The following SLC9A7 variants were observed in gnomAD, a reference collection of about 807,000 sequenced individuals.
The protein encoded by SLC9A7 is solute carrier family 9 member A7.
In SLC9A7, 19 loss-of-function variants were observed where a neutral mutation model predicts 52.6. The observed-to-expected ratio is 0.36, with a 90% CI of 0.25 to 0.53. The LOEUF (loss-of-function observed/expected upper bound fraction) is 0.53, where lower values mean the gene tolerates loss of function less well. Among genes scored for constraint, SLC9A7 ranks in the 20% least tolerant of loss-of-function variants. SLC9A7 has a pLI of 0.91. For synonymous variants in SLC9A7, 226 were observed against 252.1 expected (o/e 0.90, Z 0.98); for missense variants, 455 against 597.9 (o/e 0.76, Z 2.49).
rs73495123 is a variant in SLC9A7, at chrX:46,744,072, T to G, written c.325+14633A>C. On this transcript the variant is annotated intron_variant, in intron 1 of 16. Coordinates refer to ENST00000616978, the MANE Select transcript of SLC9A7 (RefSeq NM_001257291.2). ...GAGACTACAGCGTCATCTATTTTAT[T>G]GTATTGCCAGAAGTGTTCTCCATTC... is the stretch of plus-strand genomic sequence containing the variant. Among the ~76,000 whole-genome samples, 792 of 112,915 alleles carry G rather than the reference T, an allele frequency of 7.0e-3. 9 individuals are homozygous for G. The highest frequency in any genetic ancestry group is 0.023 in the African/African-American group (726 of 31,164).
chrX:46,638,018 C>T (rs1943348779), intron 12 of SLC9A7, among the ~76,000 whole-genome samples: 1 of 111,951 alleles, frequency 8.9e-6, no homozygotes, highest in African/African-American at 3.3e-5. Flanking sequence ...TTCTGGGCAG[C>T]TACTTAACAG....
chrX:46,738,103 GAAAGAGAAA>G (rs1217486878), intron 1 of SLC9A7, among the ~76,000 whole-genome samples: 17 of 46,612 alleles, frequency 3.6e-4, no homozygotes, highest in South Asian at 7.5e-4. Flanking sequence ...AAGAAAGAAA[GAAAGAGAAA>G]AGAAAAGAAA....
At chrX:46,620,841 C>T (rs777628075) in intron 15 of SLC9A7, 136 bp downstream of exon 15, 65 of 454,940 alleles carry the variant, frequency 1.4e-4, no homozygotes, top group Admixed American at 4.5e-4. Flanking sequence ...TCAATGCACA[C>T]GTTCCATAAG....
rs780413904 is a variant in SLC9A7, at chrX:46,606,716, G to A, written c.*236C>T. 31 of 1,063,618 alleles carry A rather than the reference G, an allele frequency of 2.9e-5. No homozygotes were observed. Among genetic ancestry groups the A allele is most frequent in the East Asian group, 1.0e-4 (3 of 28,752 alleles). 87.7% of individuals were successfully genotyped at this position (1,063,618 alleles called of 1,213,427 possible). A position where few individuals can be genotyped will look rare whatever the true frequency, so the allele number is the denominator to read the frequency against. On this transcript the variant is annotated 3_prime_UTR_variant, in exon 17 of 17. Transcript: ENST00000616978. Reference sequence around the variant, plus strand: ...TTTGTTTGTTTAACTCTGAAACAGCGCACTACTATGTGAAAAAAGTGGGAA... The same window carrying A: ...TTTGTTTGTTTAACTCTGAAACAGCACACTACTATGTGAAAAAAGTGGGAA...
At chrX:46,722,268 A>T (rs1365978226) in intron 1 of SLC9A7, among the ~76,000 whole-genome samples, 1 of 112,403 alleles carries the variant, frequency 8.9e-6, no homozygotes, top group Admixed American at 9.4e-5. Flanking sequence ...TCACTGTCTT[A>T]GTGTTTAAAC....
rs1011117745 is a variant in SLC9A7, at chrX:46,600,341, A to G, written c.*6611T>C. 8.9e-6 allele frequency: 1 copy of G among 111,822 alleles called. No individual in the cohort carries two copies. Among genetic ancestry groups the G allele is most frequent in the Admixed American group, 9.5e-5 (1 of 10,514 alleles). The allele number at this position is 111,822 out of a possible 1,213,427, so 9.2% of individuals were successfully genotyped here. The stretch of plus-strand genomic sequence containing the variant: ...CATATACAGGCCCAGACAATTTTCC[A>G]CTGGCCAAGAGCTGACTGTGACACT... On this transcript the variant is annotated 3_prime_UTR_variant, in exon 17 of 17. Transcript: ENST00000616978.
intron 1 of SLC9A7, among the ~76,000 whole-genome samples, chrX:46,746,532 T>G (rs1431797044): frequency 8.9e-6 from 1 of 111,783 alleles, no homozygotes; most frequent in Non-Finnish European, 1.9e-5. Context: ...AACCAGCATA[T>G]GAAAAAATGC....
chrX:46,749,002 C>A (rs1922041297), intron 1 of SLC9A7, among the ~76,000 whole-genome samples: 1 of 111,807 alleles, frequency 8.9e-6, no homozygotes, highest in Non-Finnish European at 1.9e-5. Context: ...GACTTATCAG[C>A]CAAACACATA....
chrX:46,618,869 G>A (rs7882329), intron 15 of SLC9A7, among the ~76,000 whole-genome samples: 31,226 of 108,034 alleles, frequency 0.29, 4,302 homozygotes, highest in African/African-American at 0.5. Context: ...ACTTGAACCC[G>A]GGAGGAAGAG....
At chrX:46,612,904 GAC>G (rs1211388344) in intron 16 of SLC9A7, among the ~76,000 whole-genome samples, 2 of 79,646 alleles carry the variant, frequency 2.5e-5, no homozygotes, top group African/African-American at 4.9e-5. Flanking sequence ...CAGCCTGGGC[GAC>G]AGAGTGAGAC....
intron 1 of SLC9A7, among the ~76,000 whole-genome samples, chrX:46,732,349 C>A (rs12849429): frequency 9.1e-6 from 1 of 109,607 alleles, no homozygotes; most frequent in South Asian, 4.0e-4. Context: ...GTCAGGAGTT[C>A]GAGAACAGCC....
intron 1 of SLC9A7, among the ~76,000 whole-genome samples, chrX:46,721,328 A>G (rs754157350): frequency 9.0e-6 from 1 of 111,709 alleles, no homozygotes; most frequent in South Asian, 3.7e-4. Flanking sequence ...CACACAAGAT[A>G]CATTTGCACT....
chrX:46,758,963 G>A lies in SLC9A7; in HGVS notation c.67C>T (p.Leu23=). The A allele has an allele frequency of 9.5e-7, 1 of 1,054,579 alleles. No homozygotes were observed. The allele number at this position is 1,054,579 out of a possible 1,213,427, so 86.9% of individuals were successfully genotyped here. The change falls in exon 1 of 17, where the codon CTG becomes TTG. Residue 23 remains leucine, a synonymous_variant. Transcript: ENST00000616978. ...CAACCCAGCAGCAGCGGCAGCAGCA[G>A]CAGCCGCGGCGGCGGCGCCCCGGTA... ...RATGAPPPRL[L]LLPLLLGWGL... is the part of the protein sequence containing the mutation.
In SLC9A7 at chrX:46,758,912, A is replaced by AGGCCGC. The variant is rs782332183; in HGVS notation, c.112_117dup (p.Ala38_Ala39dup). ...GCCGCCGCCCCAGAGGAGGAGGCCG[A>AGGCCGC]GGCCGCGGCCGCGACTCGCAGCCCC... On this transcript the variant is annotated inframe_insertion, in exon 1 of 17. Transcript: ENST00000616978. 7.2e-5 allele frequency: 83 copies of AGGCCGC among 1,159,681 alleles called. No homozygotes were observed. The highest frequency in any genetic ancestry group is 5.1e-4 in the East Asian group (15 of 29,566).
At chrX:46,655,913 C>T (rs952775015) in intron 7 of SLC9A7, among the ~76,000 whole-genome samples, 289 of 112,487 alleles carry the variant, frequency 2.6e-3, no homozygotes, top group Non-Finnish European at 4.4e-3. Flanking sequence ...TCCACCTCTG[C>T]GGGCAGGGCA....
In SLC9A7 at chrX:46,606,905, C is replaced by CACCCCATCGGGAGCCT. The variant is rs1387811178; in HGVS notation, c.*31_*46dup. The CACCCCATCGGGAGCCT allele has an allele frequency of 5.8e-6, 7 of 1,207,727 alleles. No individual in the cohort carries two copies. The South Asian group carries it at 7.1e-5, about 12-fold the overall frequency. On this transcript the variant is annotated 3_prime_UTR_variant, in exon 17 of 17. Transcript: ENST00000616978. ...CAACACTAGGGCTTGCAGCTGTCCT[C>CACCCCATCGGGAGCCT]ACCCCATCGGGAGCCTACCCCATCG...
chrX:46,647,826 C>T (rs1367610118), intron 11 of SLC9A7, among the ~76,000 whole-genome samples: 1 of 112,920 alleles, frequency 8.9e-6, no homozygotes, highest in Non-Finnish European at 1.9e-5. Context: ...GATTTCAGTA[C>T]GACCACTGCA....
At chrX:46,655,917 C>A (rs2146793275) in intron 7 of SLC9A7, among the ~76,000 whole-genome samples, 1 of 112,685 alleles carries the variant, frequency 8.9e-6, no homozygotes, top group Non-Finnish European at 1.9e-5. Context: ...CCTCTGCGGG[C>A]AGGGCACAGA....
chrX:46,745,426 C>T (rs1337465593), intron 1 of SLC9A7, among the ~76,000 whole-genome samples: 1 of 111,945 alleles, frequency 8.9e-6, no homozygotes, highest in Non-Finnish European at 1.9e-5. Flanking sequence ...AACAAAAACA[C>T]CCTGCAGCTA....
Sources: allele counts gnomAD v4.1 joint callset (sites outside exome capture counted in the v4.1 genomes callset), GRCh38; gene constraint gnomAD v4.1.1; transcripts MANE v1.5; gene names NCBI Gene and HGNC (gene_info 2026-07-23, HGNC 2026-07-21).